PMEPA1: variants seen among roughly 807,000 people sequenced by gnomAD.
The protein encoded by PMEPA1 is protein TMEPAI.
Under a neutral mutation model 23.0 loss-of-function variants are expected in PMEPA1, and 11 were observed. That is an observed-to-expected ratio of 0.48 (90% CI 0.30 to 0.79). The LOEUF (loss-of-function observed/expected upper bound fraction) is 0.79. Ranked by LOEUF, PMEPA1 falls within the 30% of genes least tolerant of loss-of-function variation. The pLI is 0.06. For synonymous variants in PMEPA1, 204 were observed against 166.4 expected (o/e 1.23, Z -1.74); for missense variants, 377 against 390.9 (o/e 0.96, Z 0.30).
rs78306286 is a variant in PMEPA1, at chr20:57,682,947, G to C, written c.110-23250C>G. Among the ~76,000 whole-genome samples the C allele has an allele frequency of 6.6e-6, 1 of 152,262 alleles. No individual in the cohort carries two copies. Among genetic ancestry groups the C allele is most frequent in the East Asian group, 1.9e-4 (1 of 5,180 alleles). On this transcript the variant is annotated intron_variant, in intron 1 of 3. Transcript: ENST00000341744. The surrounding 1 kb of genome is among the most constrained non-coding windows in gnomAD (Gnocchi z 4.4). Reference sequence around the variant, plus strand: ...CCTAAATAAGGCAGCACACCAAGACGGTCTTGAAACTCCGGCTTCTCCAAC... The same window carrying C: ...CCTAAATAAGGCAGCACACCAAGACCGTCTTGAAACTCCGGCTTCTCCAAC...
In PMEPA1 at chr20:57,651,942, G is replaced by T; in HGVS notation, c.*111C>A. 2.5e-6 allele frequency: 2 copies of T among 810,790 alleles called. No homozygotes were observed. Among genetic ancestry groups the T allele is most frequent in the Non-Finnish European group, 3.7e-6 (2 of 543,332 alleles). 50.2% of individuals were successfully genotyped at this position (810,790 alleles called of 1,614,324 possible). ...ATACACAGGGAGGTGGGAGGGGAGG[G>T]CCACACGATGCGTTGCTGCGCCCCC... is the stretch of plus-strand genomic sequence containing the variant. On this transcript the variant is annotated 3_prime_UTR_variant, in exon 4 of 4. Coordinates refer to ENST00000341744, the MANE Select transcript of PMEPA1 (RefSeq NM_020182.5).
intron 1 of PMEPA1, among the ~76,000 whole-genome samples, chr20:57,698,360 G>A (rs1006146318): frequency 6.6e-6 from 1 of 151,976 alleles, no homozygotes; most frequent in African/African-American, 2.4e-5. Context: ...TCCTCCTATG[G>A]CCGTGACCCT....
Position 57,662,532 on chromosome 20 carries a change from A to G in PMEPA1, c.110-2835T>C, listed in dbSNP as rs547269444. ...GGACACCCGCATGTTCCTGGCCAGG[A>G]GAGATCAGGCTTCAGACCCAGGTCG... On this transcript the variant is annotated intron_variant, in intron 1 of 3. Transcript: ENST00000341744. 7.4e-4 allele frequency among the ~76,000 whole-genome samples: 113 copies of G among 152,266 alleles called. 1 individual carries two copies. The highest frequency in any genetic ancestry group is 2.5e-3 in the African/African-American group (103 of 41,548).
In PMEPA1 at chr20:57,683,309, G is replaced by A. The variant is rs1232788929; in HGVS notation, c.110-23612C>T. On this transcript the variant is annotated intron_variant, in intron 1 of 3. Transcript: ENST00000341744. This position sits in a 1 kb window ranked among gnomAD's most constrained non-coding sequence, Gnocchi z 4.3. ...GTTTTTGGAGGGAAACATCAATACTGTTGCCATTCAGTTCTCTATGCCATG... is the reference window on the plus strand; with the variant it reads ...GTTTTTGGAGGGAAACATCAATACTATTGCCATTCAGTTCTCTATGCCATG... Among the ~76,000 whole-genome samples the A allele has an allele frequency of 6.6e-6, 1 of 152,200 alleles. No homozygotes were observed. The highest frequency in any genetic ancestry group is 1.5e-5 in the Non-Finnish European group (1 of 68,044).
At chr20:57,658,482 A>C (rs73182867) in intron 2 of PMEPA1, among the ~76,000 whole-genome samples, 3 of 152,142 alleles carry the variant, frequency 2.0e-5, no homozygotes, top group Non-Finnish European at 4.4e-5. Flanking sequence ...CGCAGGGGGA[A>C]TTTTGCATAC....
chr20:57,654,569 T>A (rs1331438167), intron 2 of PMEPA1, among the ~76,000 whole-genome samples: 1 of 152,166 alleles, frequency 6.6e-6, no homozygotes, highest in Non-Finnish European at 1.5e-5. Context: ...ATTCTTCAAG[T>A]TGCAAAGCCA....
chr20:57,683,566 T>TGC lies in PMEPA1; in HGVS notation c.110-23870_110-23869insGC, dbSNP rs2071756223. Among the ~76,000 whole-genome samples, 3 of 71,644 alleles carry TGC rather than the reference T, an allele frequency of 4.2e-5. No individual in the cohort carries two copies. Among genetic ancestry groups the TGC allele is most frequent in the South Asian group, 5.8e-4 (1 of 1,730 alleles). 47.0% of individuals were successfully genotyped at this position (71,644 alleles called of 152,430 possible). On this transcript the variant is annotated intron_variant, in intron 1 of 3. Coordinates refer to ENST00000341744, the MANE Select transcript of PMEPA1 (RefSeq NM_020182.5). This position sits in a 1 kb window ranked among gnomAD's most constrained non-coding sequence, Gnocchi z 4.3. The stretch of plus-strand genomic sequence containing the variant: ...TCTGGCCTGTGTGCGTGTGTGTGTG[T>TGC]GTGTGTGTGTGTGTGTGTTTCTTTT...
chr20:57,711,338 A>T (rs577430111), upstream of PMEPA1: 1 of 152,350 alleles, frequency 6.6e-6, no homozygotes, highest in East Asian at 1.9e-4. Context: ...ACCAGAGCGA[A>T]TTCATCCTGA....
chr20:57,686,862 A>C (rs539644012), intron 1 of PMEPA1, among the ~76,000 whole-genome samples: 1 of 152,326 alleles, frequency 6.6e-6, no homozygotes, highest in South Asian at 2.1e-4. Flanking sequence ...CCCACCAAAA[A>C]CAGCTGTCTA....
At position 57,666,020 on chromosome 20, in the gene PMEPA1, C is replaced by T. The variant is rs144657843; in HGVS notation, c.110-6323G>A. Among the ~76,000 whole-genome samples, 474 of 151,828 alleles carry T rather than the reference C, an allele frequency of 3.1e-3. 9 individuals are homozygous for T. The highest frequency in any genetic ancestry group is 0.028 in the Admixed American group (432 of 15,244). ...GGCTGTGCTCATCACTTGGAGGGCC[C>T]GGGGGCTCCTGCCATTTTTCTTCGT... On this transcript the variant is annotated intron_variant, in intron 1 of 3. Coordinates refer to ENST00000341744, the MANE Select transcript of PMEPA1 (RefSeq NM_020182.5).
At chr20:57,695,114 C>G (rs1267300098) in intron 1 of PMEPA1, among the ~76,000 whole-genome samples, 1 of 152,270 alleles carries the variant, frequency 6.6e-6, no homozygotes, top group Admixed American at 6.5e-5. Flanking sequence ...GGAAGGCAGC[C>G]TCGGCGTTTG....
intron 1 of PMEPA1, among the ~76,000 whole-genome samples, chr20:57,692,661 C>A (rs2071898135): frequency 6.6e-6 from 1 of 152,240 alleles, no homozygotes; most frequent in Admixed American, 6.5e-5. Flanking sequence ...CTGTCCCACC[C>A]CATGCCAGCC....
At chr20:57,711,222 A>T (rs2072176848), upstream of PMEPA1, 2 of 152,238 alleles carry the variant, frequency 1.3e-5, no homozygotes, top group African/African-American at 4.8e-5. Context: ...TCAGAGAAAA[A>T]AAAAGCTTTT....
chr20:57,662,130 C>T (rs367587838), intron 1 of PMEPA1, among the ~76,000 whole-genome samples: 1 of 151,978 alleles, frequency 6.6e-6, no homozygotes, highest in African/African-American at 2.4e-5. Flanking sequence ...CACGTCTGCA[C>T]CCAGGGAACA....
chr20:57,669,452 C>A (rs1267030406), intron 1 of PMEPA1, among the ~76,000 whole-genome samples: 1 of 152,202 alleles, frequency 6.6e-6, no homozygotes, highest in Non-Finnish European at 1.5e-5. Flanking sequence ...TGAGCCACCG[C>A]ACCCAACTGA....
intron 1 of PMEPA1, chr20:57,700,226 AC>A (rs555582125): frequency 3.5e-4 from 159 of 460,190 alleles, no homozygotes; most frequent in African/African-American, 2.9e-3. Flanking sequence ...CCACTGACAG[AC>A]CCCTCCACAG....
intron 2 of PMEPA1, among the ~76,000 whole-genome samples, 185 bp downstream of exon 2, chr20:57,659,358 C>T (rs919962832): frequency 4.6e-5 from 7 of 152,242 alleles, no homozygotes; most frequent in Admixed American, 2.0e-4. Context: ...CTCTGAGGCC[C>T]GCCTGGCGGG....
chr20:57,660,797 TCAA>T (rs1411164836), intron 1 of PMEPA1, among the ~76,000 whole-genome samples: 10 of 143,562 alleles, frequency 7.0e-5, no homozygotes, highest in South Asian at 2.2e-4. Flanking sequence ...TACACACACG[TCAA>T]CAACACTACA....
chr20:57,674,595 T>C (rs981388718), intron 1 of PMEPA1, among the ~76,000 whole-genome samples: 2 of 152,222 alleles, frequency 1.3e-5, no homozygotes, highest in African/African-American at 4.8e-5. Context: ...CTACACCCCT[T>C]TGGGACAGAA....
Sources: allele counts gnomAD v4.1 joint callset (sites outside exome capture counted in the v4.1 genomes callset), GRCh38; gene constraint gnomAD v4.1.1; non-coding constraint Gnocchi (gnomAD v3.1); transcripts MANE v1.5; gene names NCBI Gene and HGNC (gene_info 2026-07-23, HGNC 2026-07-21).